PRKCI: variants seen among roughly 807,000 people sequenced by gnomAD.
PRKCI encodes protein kinase C iota type.
A neutral mutation model predicts 84.0 loss-of-function variants in PRKCI; 43 were observed. The observed-to-expected ratio is 0.51, with a 90% CI of 0.40 to 0.66. The LOEUF is 0.66. Among genes scored for constraint, PRKCI ranks in the 30% least tolerant of loss-of-function variants. The probability of loss-of-function intolerance (pLI) is 0.00; values close to 1 mark genes in which losing one functional copy is unlikely to be tolerated. For synonymous variants in PRKCI, 216 were observed against 234.4 expected (o/e 0.92, Z 0.72); for missense variants, 459 against 745.6 (o/e 0.62, Z 4.48).
intron 10 of PRKCI, 49 bp downstream of exon 10, chr3:170,281,312 C>G (rs759922032): frequency 6.8e-7 from 1 of 1,473,864 alleles, no homozygotes; most frequent in East Asian, 2.3e-5. Context: ...TATTTTTGGT[C>G]ATATTACACA....
At chr3:170,242,105 G>A (rs537489155) in intron 2 of PRKCI, among the ~76,000 whole-genome samples, 19 of 151,848 alleles carry the variant, frequency 1.3e-4, no homozygotes, top group Non-Finnish European at 1.9e-4. Context: ...GCAAAACTCC[G>A]TCTCAAAAAA....
intron 1 of PRKCI, among the ~76,000 whole-genome samples, chr3:170,231,378 ACTGT>A (rs1481140742): frequency 1.3e-5 from 2 of 152,086 alleles, no homozygotes; most frequent in Admixed American, 6.6e-5. Context: ...TAATAATTTA[ACTGT>A]CTTAGAATTT....
intron 14 of PRKCI, among the ~76,000 whole-genome samples, chr3:170,295,376 T>C (rs1734664899): frequency 6.6e-6 from 1 of 150,804 alleles, no homozygotes; most frequent in African/African-American, 2.4e-5. Flanking sequence ...AATTTAAAAT[T>C]AGCCAGCCAT....
chr3:170,230,187 A>G (rs1732748821), intron 1 of PRKCI, among the ~76,000 whole-genome samples: 2 of 138,284 alleles, frequency 1.4e-5, no homozygotes, highest in Admixed American at 7.2e-5. Context: ...TTTTTTTGAG[A>G]CAGAGTCTTG....
chr3:170,231,007 T>C (rs1055020019), intron 1 of PRKCI, among the ~76,000 whole-genome samples: 5 of 149,998 alleles, frequency 3.3e-5, no homozygotes, highest in African/African-American at 2.5e-5. Context: ...TCACCCAGGC[T>C]GGAGCGCAGT....
At chr3:170,252,132 T>C (rs560916490) in intron 2 of PRKCI, among the ~76,000 whole-genome samples, 146 of 150,900 alleles carry the variant, frequency 9.7e-4, no homozygotes, top group African/African-American at 3.5e-3. Context: ...GAAAATGGCA[T>C]GAACTTGGGA....
intron 5 of PRKCI, among the ~76,000 whole-genome samples, chr3:170,268,794 A>G (rs966203385): frequency 2.0e-5 from 3 of 152,248 alleles, no homozygotes; most frequent in African/African-American, 4.8e-5. Context: ...CACTTTATAG[A>G]TGGCAAAACT....
rs114888874 is a variant in PRKCI, at chr3:170,226,421, A to G, written c.101+3651A>G. 7.2e-3 allele frequency among the ~76,000 whole-genome samples: 1,099 copies of G among 152,300 alleles called. 12 individuals carry two copies. The highest frequency in any genetic ancestry group is 0.025 in the African/African-American group (1,034 of 41,554). ...TTCATTAATTAGTGATAAACTGTCA[A>G]TGTATGTGCTTATCCTTATATAAAA... is the stretch of plus-strand genomic sequence containing the variant. On this transcript the variant is annotated intron_variant, in intron 1 of 17. Transcript: ENST00000295797.
At chr3:170,297,205 A>G (rs747218332) in intron 15 of PRKCI, 99 bp from the exon 16 acceptor site, 16 of 909,838 alleles carry the variant, frequency 1.8e-5, no homozygotes, top group Non-Finnish European at 2.6e-5. Flanking sequence ...AACTTCAGAA[A>G]TAAGAGTATC....
chr3:170,222,828 T>C, intron 1 of PRKCI, 58 bp downstream of exon 1: 12 of 734,716 alleles, frequency 1.6e-5, no homozygotes, highest in Non-Finnish European at 1.9e-5. Flanking sequence ...CCACTCGGCC[T>C]GGAGGAGGGG....
intron 4 of PRKCI, among the ~76,000 whole-genome samples, chr3:170,266,925 G>A (rs1171914527): frequency 6.6e-6 from 1 of 152,172 alleles, no homozygotes; most frequent in African/African-American, 2.4e-5. Context: ...CCCAGGAGGC[G>A]GAGGTTGCAG....
At position 170,305,036 on chromosome 3, in the gene PRKCI, C is replaced by T. The variant is rs1734922094; in HGVS notation, c.*1909C>T. On this transcript the variant is annotated 3_prime_UTR_variant, in exon 18 of 18. Coordinates refer to ENST00000295797, the MANE Select transcript of PRKCI (RefSeq NM_002740.6). ...AAAGGAAAATGTTTATATACATCCA[C>T]ATGTTTATTTAATATGTTTCTCTTA... 1 of 152,130 alleles carries T rather than the reference C, an allele frequency of 6.6e-6. No individual in the cohort carries two copies. The highest frequency in any genetic ancestry group is 2.4e-5 in the African/African-American group (1 of 41,434). 9.4% of individuals were successfully genotyped at this position (152,130 alleles called of 1,614,324 possible).
rs757899632 is a variant in PRKCI at position 170,235,315 on chromosome 3, G to C, written c.187G>C (p.Glu63Gln). The stretch of plus-strand genomic sequence containing the variant: ...TCGAGACATGTGTTCTTTTGACAAC[G>C]AACAGCTCTTCACCATGAAATGGAT... The part of the protein sequence containing the change: ...EVRDMCSFDN[E>Q]QLFTMKWIDE... The change falls in exon 2 of 18, where the codon GAA (glutamate) becomes CAA (glutamine). Residue 63 changes from glutamate to glutamine, a missense_variant. Physicochemically the swap from Glu to Gln is conservative, Grantham distance 29. This residue lies in a region of PRKCI where 250 missense variants were observed against 319.7 expected (regional missense o/e 0.78). Coordinates refer to ENST00000295797, the MANE Select transcript of PRKCI (RefSeq NM_002740.6). 70 of 1,613,886 alleles carry C rather than the reference G, an allele frequency of 4.3e-5. No homozygotes were observed. The South Asian group carries it at 7.1e-4, about 16-fold the overall frequency.
intron 1 of PRKCI, 65 bp from the exon 2 acceptor site, chr3:170,235,165 C>A: frequency 1.3e-6 from 2 of 1,494,448 alleles, no homozygotes; most frequent in Admixed American, 1.8e-5. Flanking sequence ...GTCAAGCATT[C>A]AGTAATATAT....
At chr3:170,279,714 G>A (rs562775828) in intron 8 of PRKCI, among the ~76,000 whole-genome samples, 38 of 152,272 alleles carry the variant, frequency 2.5e-4, no homozygotes, top group African/African-American at 8.4e-4. Context: ...CTCTGAATGT[G>A]TGCTCTCACT....
intron 12 of PRKCI, 139 bp downstream of exon 12, chr3:170,284,735 C>A: frequency 9.4e-7 from 1 of 1,065,970 alleles, no homozygotes; most frequent in Non-Finnish European, 1.3e-6. Flanking sequence ...AGCACAAAGA[C>A]AAATGTACTT....
At chr3:170,295,077 T>C (rs1382350800) in intron 14 of PRKCI, among the ~76,000 whole-genome samples, 1 of 151,822 alleles carries the variant, frequency 6.6e-6, no homozygotes, top group Non-Finnish European at 1.5e-5. Flanking sequence ...CTGGGCGTCG[T>C]GGCGGGCACC....
chr3:170,249,518 G>A (rs1206536040), intron 2 of PRKCI, among the ~76,000 whole-genome samples: 1 of 152,180 alleles, frequency 6.6e-6, no homozygotes. Context: ...GCTGGGCGTG[G>A]TGGCTCACGC....
intron 2 of PRKCI, among the ~76,000 whole-genome samples, chr3:170,248,297 A>T (rs1178615093): frequency 6.6e-6 from 1 of 152,196 alleles, no homozygotes; most frequent in Admixed American, 6.5e-5. Context: ...TTGAGGTCTA[A>T]TGCCCTAATT....
Sources: gnomAD v4.1 joint callset for allele counts (sites outside exome capture counted in the v4.1 genomes callset) on GRCh38, gnomAD v4.1.1 for gene constraint, gnomAD v4.1.1 regional missense constraint, MANE v1.5 for transcripts, NCBI Gene and HGNC (gene_info 2026-07-23, HGNC 2026-07-21) for gene names.